DMD: variants seen among roughly 807,000 people sequenced by gnomAD.
DMD encodes the protein mutant dystrophin.
DMD carries 63 observed loss-of-function variants against 330.1 expected under a neutral mutation model. That is an observed-to-expected ratio of 0.19 (90% CI 0.16 to 0.24). The LOEUF is 0.24. Among genes scored for constraint, DMD ranks in the 10% least tolerant of loss-of-function variants. The pLI is 1.00. For synonymous variants in DMD, 1,223 were observed against 959.8 expected, an observed-to-expected ratio of 1.27 and a Z score of -5.07; for missense variants, 3,344 against 2,684.1, an observed-to-expected ratio of 1.25 and a Z score of -5.43.
At chrX:31,580,159 C>A (rs764110923) in intron 55 of DMD, among the ~76,000 whole-genome samples, 61 of 112,135 alleles carry the variant, frequency 5.4e-4, no homozygotes, top group African/African-American at 1.6e-3. Flanking sequence ...AATATTAATT[C>A]CCTACTGCCA....
chrX:32,902,496 T>C (rs900248678), intron 2 of DMD, among the ~76,000 whole-genome samples: 5 of 110,934 alleles, frequency 4.5e-5, no homozygotes, highest in African/African-American at 1.7e-4. Flanking sequence ...CATTTTTGTG[T>C]ATATATGTGG....
intron 7 of DMD, among the ~76,000 whole-genome samples, chrX:32,779,679 T>C (rs1471738558): frequency 1.1e-5 from 1 of 91,960 alleles, no homozygotes; most frequent in Non-Finnish European, 2.1e-5. Flanking sequence ...CTCATCCTTT[T>C]TTATGGCTGC....
At chrX:32,045,862 T>G (rs1603623142) in intron 44 of DMD, among the ~76,000 whole-genome samples, 1 of 112,831 alleles carries the variant, frequency 8.9e-6, no homozygotes, top group African/African-American at 3.2e-5. Context: ...TCTAAACTGT[T>G]ACCTCTACTT....
intron 2 of DMD, among the ~76,000 whole-genome samples, chrX:32,916,305 C>T (rs1010120416): frequency 1.8e-5 from 2 of 111,108 alleles, no homozygotes; most frequent in South Asian, 3.8e-4. Flanking sequence ...TATATTCTGA[C>T]GAAGGGTAAC....
In DMD at chrX:31,522,821, C is replaced by T. The variant is rs188359529; in HGVS notation, c.8218-15368G>A. Among the ~76,000 whole-genome samples, 534 of 111,105 alleles carry T rather than the reference C, an allele frequency of 4.8e-3. 2 individuals carry two copies. Among genetic ancestry groups the T allele is most frequent in the Middle Eastern group, 0.014 (3 of 213 alleles). ...AAGGGAGAGTGGTGTTGACCTTTGT[C>T]GGGGGGTACGTGTCATCCACTCATG... is the stretch of plus-strand genomic sequence containing the variant. On this transcript the variant is annotated intron_variant, in intron 55 of 78. Coordinates refer to ENST00000357033, the MANE Select transcript of DMD (RefSeq NM_004006.3).
intron 62 of DMD, chrX:31,266,804 A>C (rs1295867901): frequency 8.3e-7 from 1 of 1,201,881 alleles, no homozygotes; most frequent in African/African-American, 1.7e-5. Flanking sequence ...GCCGCGATCC[A>C]CTTACCCTTT....
chrX:31,121,656 T>TAAAACCTGCCATTGTTAAC lies in DMD; in HGVS notation c.*244_*262dup, dbSNP rs2032581088. ...TTTTTTGTACAATTGCATAGACGTG[T>TAAAACCTGCCATTGTTAAC]AAAACCTGCCATTGTTAACAAAACA... On this transcript the variant is annotated 3_prime_UTR_variant, in exon 79 of 79. Coordinates refer to ENST00000357033, the MANE Select transcript of DMD (RefSeq NM_004006.3). The TAAAACCTGCCATTGTTAAC allele has an allele frequency of 1.4e-5, 6 of 427,733 alleles. No homozygotes were observed. In the Admixed American group the frequency reaches 2.0e-4, roughly 14 times the overall value. The allele number at this position is 427,733 out of a possible 1,213,427, so 35.2% of individuals were successfully genotyped here.
intron 7 of DMD, among the ~76,000 whole-genome samples, chrX:32,787,208 T>G (rs1302839431): frequency 3.2e-5 from 3 of 94,773 alleles, no homozygotes; most frequent in Non-Finnish European, 6.2e-5. Context: ...TCAATCTCTC[T>G]GTCAAGTGTG....
chrX:32,829,796 A>C (rs889183149), intron 4 of DMD, among the ~76,000 whole-genome samples: 1 of 111,634 alleles, frequency 9.0e-6, no homozygotes, highest in African/African-American at 3.2e-5. Flanking sequence ...GCATTTTACC[A>C]AGAGGGAAAC....
chrX:31,777,871 C>T (rs2090767340), intron 50 of DMD, among the ~76,000 whole-genome samples: 1 of 111,747 alleles, frequency 8.9e-6, no homozygotes, highest in South Asian at 3.7e-4. Context: ...TGGTTATTGG[C>T]TCCTCATGTT....
intron 11 of DMD, among the ~76,000 whole-genome samples, chrX:32,630,882 C>T (rs988963313): frequency 1.1e-4 from 12 of 111,560 alleles, no homozygotes; most frequent in Non-Finnish European, 1.7e-4. Context: ...TTGATGCTTC[C>T]GGATGTTCAT....
chrX:31,836,628 TATAA>T, intron 49 of DMD, 86 bp downstream of exon 49: 1 of 742,420 alleles, frequency 1.3e-6, no homozygotes, highest in South Asian at 2.1e-5. Flanking sequence ...TTTCACTGAT[TATAA>T]ATAGTCCACG....
At chrX:32,254,035 G>C (rs2097288569) in intron 43 of DMD, among the ~76,000 whole-genome samples, 2 of 110,530 alleles carry the variant, frequency 1.8e-5, no homozygotes, top group Non-Finnish European at 3.8e-5. Context: ...GTTTATTAAA[G>C]CTTATTTATT....
chrX:32,501,643 A>G (rs2044063508), intron 19 of DMD, 112 bp downstream of exon 19: 1 of 578,144 alleles, frequency 1.7e-6, no homozygotes, highest in African/African-American at 2.3e-5. Context: ...ACACCTTTTA[A>G]TTTAAATTTG....
chrX:33,323,257 A>G, intron 1 of DMD, among the ~76,000 whole-genome samples: 2 of 112,029 alleles, frequency 1.8e-5, no homozygotes. Context: ...GTTACATCCA[A>G]TACTGTTTGT....
chrX:31,530,647 C>CTTTTTTTTTTTTTTTTTTTTTTTTTTTT (rs1192286078), intron 55 of DMD, among the ~76,000 whole-genome samples: 13 of 49,799 alleles, frequency 2.6e-4, no homozygotes, highest in Admixed American at 1.3e-3. Context: ...ACTGGTTTCT[C>CTTTTTTTTTTTTTTTTTTTTTTTTTTTT]TTTTTTTTTT....
intron 34 of DMD, among the ~76,000 whole-genome samples, chrX:32,376,336 G>C (rs1489729988): frequency 9.0e-6 from 1 of 111,357 alleles, no homozygotes; most frequent in Non-Finnish European, 1.9e-5. Context: ...CCTACAAGTT[G>C]GAATAATTCA....
chrX:31,635,582 G>GA (rs2079366632), intron 54 of DMD, among the ~76,000 whole-genome samples: 1 of 111,865 alleles, frequency 8.9e-6, no homozygotes, highest in Non-Finnish European at 1.9e-5. Flanking sequence ...CACTTTAAAA[G>GA]AAAGAAGTGG....
chrX:32,505,202 T>C (rs1027078041), intron 18 of DMD, among the ~76,000 whole-genome samples: 1 of 111,788 alleles, frequency 8.9e-6, no homozygotes, highest in South Asian at 3.7e-4. Context: ...TTCTGCTCTG[T>C]GAAAGATGCT....
Sources: allele counts gnomAD v4.1 joint callset (sites outside exome capture counted in the v4.1 genomes callset), GRCh38; gene constraint gnomAD v4.1.1; transcripts MANE v1.5; gene names NCBI Gene and HGNC (gene_info 2026-07-23, HGNC 2026-07-21).